Variants in ASAP2 observed in about 807,000 individuals in gnomAD.
ASAP2 encodes arf-GAP with SH3 domain, ANK repeat and PH domain-containing protein 2.
Under a neutral mutation model 131.4 loss-of-function variants are expected in ASAP2, and 45 were observed. The observed-to-expected ratio is 0.34, with a 90% CI of 0.27 to 0.44. The LOEUF is 0.44. Ranked by LOEUF, ASAP2 falls within the 20% of genes least tolerant of loss-of-function variation. The pLI is 1.00. For missense variants in ASAP2, 1,011 were observed against 1,297.0 expected (o/e 0.78, Z 3.39); for synonymous variants, 510 against 503.0 (o/e 1.01, Z -0.19).
At chr2:9,289,557 T>G (rs376309204) in intron 2 of ASAP2, among the ~76,000 whole-genome samples, 1 of 152,170 alleles carries the variant, frequency 6.6e-6, no homozygotes, top group Admixed American at 6.5e-5. Context: ...AAAAAAAATA[T>G]GCAGTAGCCC....
chr2:9,361,401 T>C (rs1673067642), intron 15 of ASAP2, among the ~76,000 whole-genome samples: 1 of 152,058 alleles, frequency 6.6e-6, no homozygotes, highest in Non-Finnish European at 1.5e-5. Context: ...ATGCTAGGAG[T>C]GTGGTCATGG....
chr2:9,397,744 ATATATATTTTTTTTTTTT>A (rs1413241043), intron 24 of ASAP2, among the ~76,000 whole-genome samples: 1 of 87,194 alleles, frequency 1.1e-5, no homozygotes, highest in Non-Finnish European at 2.0e-5. Context: ...ATATATATAT[ATATATATTTTTTTTTTTT>A]TTTTTTTTTT....
rs897123954 is a variant in ASAP2, at chr2:9,232,420, A to T, written c.126+25190A>T. 6.6e-6 allele frequency among the ~76,000 whole-genome samples: 1 copy of T among 152,204 alleles called. No homozygotes were observed. Among genetic ancestry groups the T allele is most frequent in the Non-Finnish European group, 1.5e-5 (1 of 68,036 alleles). On this transcript the variant is annotated intron_variant, in intron 1 of 27. Transcript: ENST00000281419. The surrounding 1 kb of genome is among the most constrained non-coding windows in gnomAD (Gnocchi z 4.1). Reference sequence around the variant, plus strand: ...CTTTGTGCCCCCGTACCCCTTTCGCAGCTGACTGTCCACATTATACTGTCT... The same window carrying T: ...CTTTGTGCCCCCGTACCCCTTTCGCTGCTGACTGTCCACATTATACTGTCT...
intron 3 of ASAP2, among the ~76,000 whole-genome samples, chr2:9,306,630 C>T (rs1001917714): frequency 1.3e-5 from 2 of 151,876 alleles, no homozygotes; most frequent in African/African-American, 4.8e-5. Flanking sequence ...AGATCCTGTG[C>T]CCCTTTGTCC....
At position 9,207,063 on chromosome 2, in the gene ASAP2, GGCGCCCCTGCGGCTGTGCGCCA is replaced by G. The variant is rs768522652; in HGVS notation, c.-35_-14del. On this transcript the variant is annotated 5_prime_UTR_variant, in exon 1 of 28. Transcript: ENST00000281419. This position sits in a 1 kb window ranked among gnomAD's most constrained non-coding sequence, Gnocchi z 4.1. ...AGCCTGCTGCGGCAGTTGAGGCGGCGGCGCCCCTGCGGCTGTGCGCCAGCGCCCTCGCGCCGAGGCGATGCCG... is the reference window on the plus strand; with the variant it reads ...AGCCTGCTGCGGCAGTTGAGGCGGCGGCGCCCTCGCGCCGAGGCGATGCCG... 9 of 1,461,142 alleles carry G rather than the reference GGCGCCCCTGCGGCTGTGCGCCA, an allele frequency of 6.2e-6. No homozygotes were observed. The Middle Eastern group carries it at 5.7e-4, about 93-fold the overall frequency. The allele number at this position is 1,461,142 out of a possible 1,614,324, so 90.5% of individuals were successfully genotyped here. A position where few individuals can be genotyped will look rare whatever the true frequency, so the allele number is the denominator to read the frequency against.
intron 1 of ASAP2, among the ~76,000 whole-genome samples, chr2:9,215,351 C>T (rs750141873): frequency 6.6e-6 from 1 of 151,924 alleles, no homozygotes; most frequent in Non-Finnish European, 1.5e-5. Context: ...TTTTACCATG[C>T]TCATAATGCT....
chr2:9,369,786 A>T (rs1447775791), intron 16 of ASAP2, among the ~76,000 whole-genome samples: 1 of 152,242 alleles, frequency 6.6e-6, no homozygotes, highest in African/African-American at 2.4e-5. Context: ...ACAGTGAACA[A>T]TGTCTTTAAG....
intron 2 of ASAP2, among the ~76,000 whole-genome samples, chr2:9,293,604 TC>T (rs1667955196): frequency 6.6e-6 from 1 of 152,192 alleles, no homozygotes; most frequent in Admixed American, 6.5e-5. Context: ...TTTTCTGTTC[TC>T]TAGTAGGAAA....
At chr2:9,220,627 A>G (rs915862314) in intron 1 of ASAP2, among the ~76,000 whole-genome samples, 1 of 152,250 alleles carries the variant, frequency 6.6e-6, no homozygotes, top group African/African-American at 2.4e-5. Flanking sequence ...ATAATTTGCA[A>G]GTAATAATTT....
intron 1 of ASAP2, among the ~76,000 whole-genome samples, chr2:9,249,953 A>G (rs1664594991): frequency 6.6e-6 from 1 of 152,244 alleles, no homozygotes; most frequent in Admixed American, 6.5e-5. Context: ...TCAAAAGGCT[A>G]CATGCCATGT....
At chr2:9,270,746 A>G (rs1476517610) in intron 1 of ASAP2, among the ~76,000 whole-genome samples, 1 of 139,784 alleles carries the variant, frequency 7.2e-6, no homozygotes, top group Admixed American at 7.3e-5. Context: ...TCTGGTAACC[A>G]TCCTTCTACT....
Position 9,391,104 on chromosome 2 carries a change from CTGTAAGTGTGGACGGTGGAAGCCGGCA to C in ASAP2, c.2427_2453del (p.Val810_Gln818del), listed in dbSNP as rs1403299729. The C allele has an allele frequency of 1.4e-5, 22 of 1,614,158 alleles. No individual in the cohort carries two copies. Among genetic ancestry groups the C allele is most frequent in the South Asian group, 2.2e-5 (2 of 91,092 alleles). On this transcript the variant is annotated inframe_deletion, in exon 23 of 28. Coordinates refer to ENST00000281419, the MANE Select transcript of ASAP2 (RefSeq NM_003887.3). ...GCTAACACCCTGTGGAAGACAAACTCTGTAAGTGTGGACGGTGGAAGCCGGCAGCGATCTTCGTCAGATCCGCCAGCT... is the reference window on the plus strand; with the variant it reads ...GCTAACACCCTGTGGAAGACAAACTCGCGATCTTCGTCAGATCCGCCAGCT...
At chr2:9,262,132 G>C (rs375560832) in intron 1 of ASAP2, among the ~76,000 whole-genome samples, 1 of 152,160 alleles carries the variant, frequency 6.6e-6, no homozygotes, top group Non-Finnish European at 1.5e-5. Context: ...TGATAGGCGC[G>C]TGCCATCATG....
intron 7 of ASAP2, among the ~76,000 whole-genome samples, chr2:9,331,624 C>T (rs969109273): frequency 2.6e-4 from 39 of 152,172 alleles, no homozygotes; most frequent in Admixed American, 8.5e-4. Context: ...AAAAATTAGC[C>T]GGATGCGGTA....
chr2:9,363,826 G>A (rs1395112925), intron 15 of ASAP2, among the ~76,000 whole-genome samples: 4 of 152,226 alleles, frequency 2.6e-5, no homozygotes, highest in South Asian at 4.2e-4. Context: ...TTCCAGCCTC[G>A]GCTTCCCAAA....
At chr2:9,273,520 G>A (rs527334451) in intron 1 of ASAP2, among the ~76,000 whole-genome samples, 1 of 152,316 alleles carries the variant, frequency 6.6e-6, no homozygotes, top group South Asian at 2.1e-4. Context: ...AGTAATTCAC[G>A]CAGAGCCAGC....
At chr2:9,234,954 AAG>A (rs747562762) in intron 1 of ASAP2, among the ~76,000 whole-genome samples, 10 of 152,120 alleles carry the variant, frequency 6.6e-5, no homozygotes, top group Non-Finnish European at 1.3e-4. Flanking sequence ...GGGAAGTGAT[AAG>A]AGAGGAATTT....
At chr2:9,254,525 GGATTTTTTTTTT>G (rs1356035972) in intron 1 of ASAP2, among the ~76,000 whole-genome samples, 2 of 81,310 alleles carry the variant, frequency 2.5e-5, no homozygotes, top group African/African-American at 5.4e-5. Context: ...GCTAATTTTT[GGATTTTTTTTTT>G]TTTTTTTTTT....
At position 9,405,026 on chromosome 2, in the gene ASAP2, C is replaced by G. The variant is rs1048574319; in HGVS notation, c.*1699C>G. On this transcript the variant is annotated 3_prime_UTR_variant, in exon 28 of 28. Coordinates refer to ENST00000281419, the MANE Select transcript of ASAP2 (RefSeq NM_003887.3). ...GTCTATTTTAACAATCCTCCTGCATCTGTATTTTATAGTCAGCCTTTTGAC... is the reference window on the plus strand; with the variant it reads ...GTCTATTTTAACAATCCTCCTGCATGTGTATTTTATAGTCAGCCTTTTGAC... 5.9e-5 allele frequency: 9 copies of G among 152,398 alleles called. No individual in the cohort carries two copies. Among genetic ancestry groups the G allele is most frequent in the African/African-American group, 2.2e-4 (9 of 41,388 alleles). 9.4% of individuals were successfully genotyped at this position (152,398 alleles called of 1,614,324 possible).
Sources: allele counts gnomAD v4.1 joint callset (sites outside exome capture counted in the v4.1 genomes callset), GRCh38; gene constraint gnomAD v4.1.1; non-coding constraint Gnocchi (gnomAD v3.1); transcripts MANE v1.5; gene names NCBI Gene and HGNC (gene_info 2026-07-23, HGNC 2026-07-21).